CATSPER2: variants seen among roughly 807,000 people sequenced by gnomAD.
CATSPER2 encodes the protein cation channel sperm associated 2.
CATSPER2 carries 56 observed loss-of-function variants against 68.8 expected under a neutral mutation model. The observed-to-expected ratio is 0.81, with a 90% CI of 0.66 to 1.02. The LOEUF (loss-of-function observed/expected upper bound fraction) is 1.02, where lower values mean the gene tolerates loss of function less well. Among genes scored for constraint, CATSPER2 ranks in the 50% least tolerant of loss-of-function variants. The probability of loss-of-function intolerance (pLI) is 0.00; values close to 1 mark genes in which losing one functional copy is unlikely to be tolerated. For missense variants in CATSPER2, 582 were observed against 642.0 expected (o/e 0.91, Z 1.01); for synonymous variants, 198 against 229.9 (o/e 0.86, Z 1.26).
chr15:43,640,136 T>C (rs1351803107), intron 5 of CATSPER2, 188 bp downstream of exon 5: 49 of 1,463,702 alleles, frequency 3.3e-5, no homozygotes, highest in Non-Finnish European at 4.1e-5. Context: ...ATGTTGTAGT[T>C]AGTCTACTTT....
chr15:43,636,271 A>C (rs1310477519), intron 7 of CATSPER2, 52 bp from the exon 8 acceptor site: 21 of 1,600,872 alleles, frequency 1.3e-5, no homozygotes, highest in Non-Finnish European at 1.5e-5. Flanking sequence ...AACCTTTCAA[A>C]AATGGTACCA....
In CATSPER2 at chr15:43,638,943, C is replaced by T. The variant is rs767775803; in HGVS notation, c.803G>A (p.Arg268His). The T allele has an allele frequency of 1.1e-5, 17 of 1,612,900 alleles. 1 individual carries two copies. The highest frequency in any genetic ancestry group is 6.7e-5 in the East Asian group (3 of 44,848). ...GTACTCCAGGTCCTGACGAGGTGAA[C>T]GGGTGTACTCTGAGAAGACGTAGAC... The part of the protein sequence containing the change: ...TGVYVFSEYT[R>H]SPRQDLEYHV... The change falls in exon 7 of 13, where the codon CGT (arginine) becomes CAT (histidine). Residue 268 changes from arginine to histidine, a missense_variant. Coordinates refer to ENST00000396879, the MANE Select transcript of CATSPER2 (RefSeq NM_172095.4).
chr15:43,644,374 T>G (rs1254320382), intron 4 of CATSPER2, among the ~76,000 whole-genome samples: 2 of 151,992 alleles, frequency 1.3e-5, no homozygotes, highest in African/African-American at 4.8e-5. Context: ...CCAGGTAATT[T>G]CTAGTCTGGC....
At chr15:43,638,045 C>A (rs1370620636) in intron 7 of CATSPER2, among the ~76,000 whole-genome samples, 1 of 151,106 alleles carries the variant, frequency 6.6e-6, no homozygotes, top group African/African-American at 2.4e-5. Context: ...ATCTCTGCCT[C>A]CCAAGTTCAA....
intron 12 of CATSPER2, chr15:43,631,587 A>C (rs1175010052): frequency 6.3e-6 from 2 of 316,206 alleles, no homozygotes; most frequent in Non-Finnish European, 1.3e-5. Flanking sequence ...GAGTAATGAA[A>C]TTTAGGAAAA....
intron 11 of CATSPER2, 151 bp from the exon 12 acceptor site, chr15:43,632,514 T>C: frequency 7.1e-7 from 1 of 1,415,092 alleles, no homozygotes. Flanking sequence ...AACCACTTTT[T>C]ACAACGAGCA....
intron 7 of CATSPER2, among the ~76,000 whole-genome samples, chr15:43,637,101 G>A (rs937844385): frequency 6.6e-6 from 1 of 151,954 alleles, no homozygotes; most frequent in Non-Finnish European, 1.5e-5. Flanking sequence ...GGGATTACAG[G>A]TGTGAGCCAC....
chr15:43,648,807 C>G lies in CATSPER2; in HGVS notation c.-181G>C. 6.5e-7 allele frequency: 1 copy of G among 1,532,718 alleles called. No homozygotes were observed. The highest frequency in any genetic ancestry group is 8.7e-7 in the Non-Finnish European group (1 of 1,143,304). 94.9% of individuals were successfully genotyped at this position (1,532,718 alleles called of 1,614,324 possible). A position where few individuals can be genotyped will look rare whatever the true frequency, so the allele number is the denominator to read the frequency against. ...TTTCGGCTCACCCCGGGACCCGGCC[C>G]TAGCCCCTACCCACAGCCCAGGACC... is the stretch of plus-strand genomic sequence containing the variant. On this transcript the variant is annotated 5_prime_UTR_variant, in exon 1 of 13. Coordinates refer to ENST00000396879, the MANE Select transcript of CATSPER2 (RefSeq NM_172095.4).
intron 4 of CATSPER2, among the ~76,000 whole-genome samples, chr15:43,640,867 A>G (rs1220233701): frequency 2.6e-5 from 4 of 151,710 alleles, no homozygotes; most frequent in Non-Finnish European, 5.9e-5. Context: ...GTTCACAAGA[A>G]AGCAATGGGT....
chr15:43,645,950 G>A (rs1281604701), intron 4 of CATSPER2, among the ~76,000 whole-genome samples: 2 of 151,918 alleles, frequency 1.3e-5, no homozygotes, highest in East Asian at 3.9e-4. Context: ...ATTTATTATT[G>A]GTTTCAGAAT....
Position 43,632,254 on chromosome 15 carries a change from C to G in CATSPER2, c.1506G>C (p.Leu502Phe). Residue 502 changes from leucine (L) to phenylalanine (F), a missense_variant, in exon 12 of 13, where the codon TTG (leucine) becomes TTC (phenylalanine). By Grantham distance (22) the Leu-to-Phe change is conservative. This residue lies in a region of CATSPER2 where 235 missense variants were observed against 264.2 expected (regional missense o/e 0.89). Coordinates refer to ENST00000396879, the MANE Select transcript of CATSPER2 (RefSeq NM_172095.4). Reference sequence around the variant, plus strand: ...CTAGGTTATACTGAAGCTTTTCTAGCAACTCAAAATATCGGAAGAGTGAGT... The same window carrying G: ...CTAGGTTATACTGAAGCTTTTCTAGGAACTCAAAATATCGGAAGAGTGAGT... Reference protein sequence around the residue: ...PRDSLFRYFELLEKLQYNLEE... With the variant: ...PRDSLFRYFEFLEKLQYNLEE... 2 of 1,613,700 alleles carry G rather than the reference C, an allele frequency of 1.2e-6. No homozygotes were observed. The highest frequency in any genetic ancestry group is 1.1e-5 in the South Asian group (1 of 91,054).
chr15:43,638,838 G>A (rs1474488837), intron 7 of CATSPER2, 66 bp downstream of exon 7: 6 of 1,581,454 alleles, frequency 3.8e-6, no homozygotes, highest in Non-Finnish European at 5.2e-6. Context: ...ACTATACTTT[G>A]GACAAGCTTC....
chr15:43,632,813 A>T lies in CATSPER2; in HGVS notation c.1300T>A (p.Leu434Met). The T allele has an allele frequency of 6.2e-7, 1 of 1,613,640 alleles. No homozygotes were observed. Among genetic ancestry groups the T allele is most frequent in the Non-Finnish European group, 8.5e-7 (1 of 1,179,822 alleles). The stretch of plus-strand genomic sequence containing the variant: ...GACTGGTACTCTCTCTTTTTTGACA[A>T]GGTCTCTTCTGTTTTTGATGCAGAT... ...ITSASKTEET[L>M]SKKREYQSSS... The change falls in exon 11 of 13, where the codon TTG becomes ATG. Residue 434 changes from leucine (L) to methionine (M), a missense_variant. By Grantham distance (15) the Leu-to-Met change is conservative. Coordinates refer to ENST00000396879, the MANE Select transcript of CATSPER2 (RefSeq NM_172095.4).
chr15:43,630,795 G>A, intron 12 of CATSPER2, 63 bp from the exon 13 acceptor site: 2 of 1,611,346 alleles, frequency 1.2e-6, no homozygotes, highest in Non-Finnish European at 1.7e-6. Flanking sequence ...TAAATGTTTG[G>A]TGAAGACCTT....
intron 7 of CATSPER2, among the ~76,000 whole-genome samples, chr15:43,638,414 G>A (rs1219848723): frequency 2.7e-5 from 4 of 145,518 alleles, no homozygotes; most frequent in East Asian, 2.1e-4. Flanking sequence ...TCAGACTCCC[G>A]AGTAGCTGGG....
In CATSPER2 at chr15:43,635,800, C is replaced by T. The variant is rs764563891; in HGVS notation, c.1048G>A (p.Glu350Lys). 3.2e-5 allele frequency: 51 copies of T among 1,613,396 alleles called. No homozygotes were observed. The highest frequency in any genetic ancestry group is 4.0e-5 in the African/African-American group (3 of 74,808). Residue 350 changes from glutamate to lysine, a missense_variant, in exon 9 of 13, where the codon GAG (glutamate) becomes AAG (lysine). This residue lies in a region of CATSPER2 where 235 missense variants were observed against 264.2 expected (regional missense o/e 0.89). Transcript: ENST00000396879. ...MVTNFQNIRK[E>K]LNEEMARREV... The stretch of plus-strand genomic sequence containing the variant: ...CGACGCGCCATCTCCTCATTCAGCT[C>T]TTTCCTGATATTCTGAAAGTTAGTA...
At chr15:43,643,470 T>C (rs1245946117) in intron 4 of CATSPER2, among the ~76,000 whole-genome samples, 1 of 151,710 alleles carries the variant, frequency 6.6e-6, no homozygotes, top group African/African-American at 2.4e-5. Context: ...CCGGAGAAAC[T>C]GGGACCATAG....
rs1179528208 is a variant in CATSPER2, at chr15:43,643,871, C to T, written c.388+3179G>A. 2.6e-5 allele frequency among the ~76,000 whole-genome samples: 4 copies of T among 151,820 alleles called. 1 individual carries two copies. The highest frequency in any genetic ancestry group is 4.4e-5 in the Non-Finnish European group (3 of 67,956). On this transcript the variant is annotated intron_variant, in intron 4 of 12. Transcript: ENST00000396879. Reference sequence around the variant, plus strand: ...CTTAGGTTTTATTTTATTTTTGAGACAGGGTCTTGCTCTGTCACCCAGGCT... The same window carrying T: ...CTTAGGTTTTATTTTATTTTTGAGATAGGGTCTTGCTCTGTCACCCAGGCT...
At chr15:43,638,614 C>T (rs541034959) in intron 7 of CATSPER2, among the ~76,000 whole-genome samples, 2 of 151,912 alleles carry the variant, frequency 1.3e-5, no homozygotes, top group East Asian at 3.9e-4. Context: ...GTAACTGAGT[C>T]ACAGAAACCA....
Sources: gnomAD v4.1 joint callset for allele counts (sites outside exome capture counted in the v4.1 genomes callset) on GRCh38, gnomAD v4.1.1 for gene constraint, gnomAD v4.1.1 regional missense constraint, MANE v1.5 for transcripts, NCBI Gene and HGNC (gene_info 2026-07-23, HGNC 2026-07-21) for gene names.